SEMA5A: variants seen among roughly 807,000 people sequenced by gnomAD.
The protein encoded by SEMA5A is semaphorin-5A.
SEMA5A carries 55 observed loss-of-function variants against 135.5 expected under a neutral mutation model. That is an observed-to-expected ratio of 0.41 (90% CI 0.33 to 0.51). The LOEUF is 0.51. Among genes scored for constraint, SEMA5A ranks in the 20% least tolerant of loss-of-function variants. The pLI, the probability that SEMA5A is intolerant of heterozygous loss-of-function variation, is 0.37. For missense variants in SEMA5A, 1,290 were observed against 1,419.9 expected, an observed-to-expected ratio of 0.91 and a Z score of 1.47; for synonymous variants, 580 against 546.5, an observed-to-expected ratio of 1.06 and a Z score of -0.85.
chr5:9,353,135 A>AGGAAG (rs1754235495), intron 3 of SEMA5A, among the ~76,000 whole-genome samples: 1 of 79,720 alleles, frequency 1.3e-5, no homozygotes, highest in Non-Finnish European at 2.6e-5. Flanking sequence ...AGGAAAGGAA[A>AGGAAG]GGAAAGGAAA....
intron 2 of SEMA5A, among the ~76,000 whole-genome samples, chr5:9,419,587 C>T (rs1472836667): frequency 1.3e-5 from 2 of 152,136 alleles, no homozygotes; most frequent in South Asian, 4.1e-4. Context: ...TCTGGTCAAC[C>T]TCTTCTGATT....
intron 16 of SEMA5A, among the ~76,000 whole-genome samples, chr5:9,088,302 C>CAAA: frequency 1.5e-5 from 1 of 68,372 alleles, no homozygotes; most frequent in South Asian, 4.2e-4. Flanking sequence ...GACTCCATCT[C>CAAA]AAAAAAAAAA....
At chr5:9,221,689 GAA>G (rs1386347326) in intron 8 of SEMA5A, among the ~76,000 whole-genome samples, 1 of 152,110 alleles carries the variant, frequency 6.6e-6, no homozygotes, top group Non-Finnish European at 1.5e-5. Flanking sequence ...GGATAAGGCA[GAA>G]ATATTGTCCA....
In SEMA5A at chr5:9,088,659, TACAC is replaced by T. The variant is rs1554026678; in HGVS notation, c.2073+19477_2073+19480del. Reference sequence around the variant, plus strand: ...TATAATATATATATATATATATATATACACACACACACTCATGGAATTCCACAAA... The same window carrying T: ...TATAATATATATATATATATATATATACACACACTCATGGAATTCCACAAA... On this transcript the variant is annotated intron_variant, in intron 16 of 22. Coordinates refer to ENST00000382496, the MANE Select transcript of SEMA5A (RefSeq NM_003966.3). Among the ~76,000 whole-genome samples the T allele has an allele frequency of 2.0e-3, 220 of 112,378 alleles. 2 individuals carry two copies. Among genetic ancestry groups the T allele is most frequent in the South Asian group, 6.0e-3 (22 of 3,650 alleles). 73.7% of individuals were successfully genotyped at this position (112,378 alleles called of 152,430 possible).
intron 2 of SEMA5A, among the ~76,000 whole-genome samples, chr5:9,407,289 G>A (rs989405095): frequency 5.3e-5 from 8 of 152,154 alleles, no homozygotes; most frequent in African/African-American, 1.9e-4. Context: ...TCCATATTTT[G>A]ATTTTCTTCT....
chr5:9,346,379 C>A lies in SEMA5A; in HGVS notation c.125-8567G>T, dbSNP rs1300234585. ...ACCACCCTTCAGTTCGCTCATGTAA[C>A]CTCATTTTTCCTGGACACCAGACAA... On this transcript the variant is annotated intron_variant, in intron 3 of 22. Transcript: ENST00000382496. 5.3e-5 allele frequency among the ~76,000 whole-genome samples: 8 copies of A among 152,102 alleles called. No individual in the cohort carries two copies. The East Asian group carries it at 1.5e-3, about 29-fold the overall frequency.
At chr5:9,389,536 A>C (rs1245990956) in intron 2 of SEMA5A, among the ~76,000 whole-genome samples, 4 of 152,142 alleles carry the variant, frequency 2.6e-5, no homozygotes, top group Non-Finnish European at 4.4e-5. Context: ...CTCAGAGCTC[A>C]AGGGATACCC....
chr5:9,394,484 C>A (rs576943811), intron 2 of SEMA5A, among the ~76,000 whole-genome samples: 1 of 152,152 alleles, frequency 6.6e-6, no homozygotes, highest in Non-Finnish European at 1.5e-5. Context: ...CAGAGCCTGG[C>A]CTGCTTGTTA....
chr5:9,051,053 T>C (rs765421178), intron 20 of SEMA5A, among the ~76,000 whole-genome samples: 1 of 152,240 alleles, frequency 6.6e-6, no homozygotes, highest in South Asian at 2.1e-4. Context: ...CATTCTTTCC[T>C]GTACTGATTT....
chr5:9,486,812 A>G (rs1432157273), intron 1 of SEMA5A, among the ~76,000 whole-genome samples: 3 of 152,148 alleles, frequency 2.0e-5, no homozygotes, highest in Non-Finnish European at 4.4e-5. Context: ...AGAGGTAGAA[A>G]ACTTTACCTA....
At chr5:9,074,774 A>C (rs748910715) in intron 16 of SEMA5A, among the ~76,000 whole-genome samples, 4 of 152,234 alleles carry the variant, frequency 2.6e-5, no homozygotes, top group Non-Finnish European at 5.9e-5. Flanking sequence ...ACCACTACAC[A>C]TGTATTAGAA....
chr5:9,037,737 TC>T lies in SEMA5A; in HGVS notation c.*5159del, dbSNP rs1339762883. ...AAGCAAGGATTAAAGCAACTTATTT[TC>T]CTTTGCTTTATTAGGTTAACATAGC... On this transcript the variant is annotated 3_prime_UTR_variant, in exon 23 of 23. Transcript: ENST00000382496. 6.6e-6 allele frequency: 1 copy of T among 152,198 alleles called. No homozygotes were observed. The highest frequency in any genetic ancestry group is 1.5e-5 in the Non-Finnish European group (1 of 68,036). 9.4% of individuals were successfully genotyped at this position (152,198 alleles called of 1,614,324 possible). A position where few individuals can be genotyped will look rare whatever the true frequency, so the allele number is the denominator to read the frequency against.
chr5:9,254,517 T>C (rs960406668), intron 5 of SEMA5A, among the ~76,000 whole-genome samples: 1 of 152,160 alleles, frequency 6.6e-6, no homozygotes, highest in Non-Finnish European at 1.5e-5. Flanking sequence ...AAGAAATGTG[T>C]ATGGCTGAAT....
chr5:9,465,693 C>T (rs914785274), intron 1 of SEMA5A, among the ~76,000 whole-genome samples: 5 of 152,220 alleles, frequency 3.3e-5, no homozygotes, highest in Non-Finnish European at 7.3e-5. Context: ...CTGTCAGAGA[C>T]TTGAGCATCC....
At chr5:9,390,711 C>T (rs573889724) in intron 2 of SEMA5A, among the ~76,000 whole-genome samples, 1 of 150,962 alleles carries the variant, frequency 6.6e-6, no homozygotes, top group South Asian at 2.1e-4. Flanking sequence ...CTCTAGAGCA[C>T]TAATCACCAT....
intron 2 of SEMA5A, among the ~76,000 whole-genome samples, chr5:9,419,798 C>A (rs1757403190): frequency 6.6e-6 from 1 of 152,114 alleles, no homozygotes. Context: ...CAAGATATGG[C>A]AAAGCTCAAA....
intron 7 of SEMA5A, among the ~76,000 whole-genome samples, chr5:9,226,359 G>A: frequency 6.6e-6 from 1 of 152,168 alleles, no homozygotes; most frequent in Non-Finnish European, 1.5e-5. Flanking sequence ...ATGATTGCCA[G>A]GTTAAAGACA....
rs2463508 is a variant in SEMA5A at position 9,359,081 on chromosome 5, C to G, written c.124+20742G>C. On this transcript the variant is annotated intron_variant, in intron 3 of 22. Transcript: ENST00000382496. The stretch of plus-strand genomic sequence containing the variant: ...CAGGCCCCCAGATCCTCAGCAGCAG[C>G]ACCCAAACCAGACACATACACACTC... Among the ~76,000 whole-genome samples the G allele has an allele frequency of 1.2e-3, 180 of 152,148 alleles. 2 individuals are homozygous for G. In the East Asian group the frequency reaches 0.027, roughly 23 times the overall value.
In SEMA5A at chr5:9,135,403, G is replaced by A. The variant is rs188925114; in HGVS notation, c.1599+1101C>T. 4.6e-5 allele frequency among the ~76,000 whole-genome samples: 7 copies of A among 151,792 alleles called. No homozygotes were observed. In the East Asian group the frequency reaches 7.8e-4, roughly 17 times the overall value. ...TCACTGTGTTAGCCAGGATGGTCTC[G>A]ATCTCCTGACCTTGTGATCCACCTG... On this transcript the variant is annotated intron_variant, in intron 13 of 22. Transcript: ENST00000382496.
Sources: gnomAD v4.1 joint callset for allele counts (sites outside exome capture counted in the v4.1 genomes callset) on GRCh38, gnomAD v4.1.1 for gene constraint, MANE v1.5 for transcripts, NCBI Gene and HGNC (gene_info 2026-07-23, HGNC 2026-07-21) for gene names.